Variants in CDH11 observed in about 807,000 individuals in gnomAD.
CDH11 encodes cadherin-11.
In CDH11, 11 loss-of-function variants were observed where a neutral mutation model predicts 67.8. That is an observed-to-expected ratio of 0.16 (90% CI 0.10 to 0.27). The LOEUF (loss-of-function observed/expected upper bound fraction) is 0.27. Ranked by LOEUF, CDH11 falls within the 10% of genes least tolerant of loss-of-function variation. CDH11 has a pLI of 1.00. For synonymous variants in CDH11, 419 were observed against 400.0 expected, an observed-to-expected ratio of 1.05 and a Z score of -0.57; for missense variants, 847 against 1,031.2, an observed-to-expected ratio of 0.82 and a Z score of 2.45.
chr16:65,023,908 G>A (rs2073480817), intron 2 of CDH11, among the ~76,000 whole-genome samples: 1 of 152,030 alleles, frequency 6.6e-6, no homozygotes, highest in Non-Finnish European at 1.5e-5. Context: ...ACTGTATCTT[G>A]TGAAACGAGT....
Position 65,121,858 on chromosome 16 carries a change from A to G in CDH11, c.-298+22T>C, listed in dbSNP as rs2075337552. Reference sequence around the variant, plus strand: ...AAGAAGCCCCAACCAGGCGAGAGGAAGGGACTGGCGGCGCACCTCACCTGG... The same window carrying G: ...AAGAAGCCCCAACCAGGCGAGAGGAGGGGACTGGCGGCGCACCTCACCTGG... On this transcript the variant is annotated intron_variant, in intron 1 of 12. Transcript: ENST00000268603. The surrounding 1 kb of genome is among the most constrained non-coding windows in gnomAD (Gnocchi z 4.1). 1.4e-6 allele frequency: 1 copy of G among 701,760 alleles called. No individual in the cohort carries two copies. The highest frequency in any genetic ancestry group is 2.0e-5 in the Admixed American group (1 of 49,964). 43.5% of individuals were successfully genotyped at this position (701,760 alleles called of 1,614,324 possible).
At chr16:65,086,879 A>G (rs2074709766) in intron 1 of CDH11, among the ~76,000 whole-genome samples, 1 of 152,236 alleles carries the variant, frequency 6.6e-6, no homozygotes, top group Non-Finnish European at 1.5e-5. Flanking sequence ...GAGATTGGAC[A>G]TTATACAAAT....
intron 2 of CDH11, among the ~76,000 whole-genome samples, chr16:65,011,051 GTATATATATCAT>G (rs2073171817): frequency 4.4e-5 from 5 of 114,608 alleles, no homozygotes; most frequent in African/African-American, 1.5e-4. Context: ...ATGTATATAT[GTATATATATCAT>G]GTGTATATAT....
intron 12 of CDH11, chr16:64,948,429 C>A: frequency 1.6e-6 from 1 of 643,840 alleles, no homozygotes; most frequent in Non-Finnish European, 2.7e-6. Context: ...GGTCTGTAGT[C>A]TCTTAGAAGT....
At chr16:65,015,382 G>A (rs1324680450) in intron 2 of CDH11, among the ~76,000 whole-genome samples, 5 of 151,356 alleles carry the variant, frequency 3.3e-5, no homozygotes, top group Non-Finnish European at 7.4e-5. Flanking sequence ...TAATTCAATA[G>A]ACCAATGGGA....
At chr16:65,102,117 C>G (rs1451207421) in intron 1 of CDH11, among the ~76,000 whole-genome samples, 3 of 152,182 alleles carry the variant, frequency 2.0e-5, no homozygotes, top group Non-Finnish European at 4.4e-5. Context: ...ATTGCAAGTT[C>G]ACACCTCCAA....
rs374667528 is a variant in CDH11, at chr16:65,026,232, T to G, written c.-172-21191A>C. Among the ~76,000 whole-genome samples, 24 of 152,330 alleles carry G rather than the reference T, an allele frequency of 1.6e-4. No homozygotes were observed. The East Asian group carries it at 2.5e-3, about 16-fold the overall frequency. On this transcript the variant is annotated intron_variant, in intron 2 of 12. Transcript: ENST00000268603. ...ACTATCTGACAGACACTGTGCTACA[T>G]GCTTTGCATACATTTTCAGAAAAAA...
In CDH11 at chr16:65,034,101, C is replaced by T. The variant is rs200988542; in HGVS notation, c.-173+19703G>A. Among the ~76,000 whole-genome samples the T allele has an allele frequency of 3.3e-5, 5 of 152,134 alleles. No homozygotes were observed. In the East Asian group the frequency reaches 9.6e-4, roughly 29 times the overall value. ...ACATTATTTGGAATTAGGGTCTGTG[C>T]AGATGGCCAAGTTAAGATGCAGTCA... is the stretch of plus-strand genomic sequence containing the variant. On this transcript the variant is annotated intron_variant, in intron 2 of 12. Coordinates refer to ENST00000268603, the MANE Select transcript of CDH11 (RefSeq NM_001797.4).
At chr16:65,119,937 G>T (rs1206527082) in intron 1 of CDH11, among the ~76,000 whole-genome samples, 1 of 152,136 alleles carries the variant, frequency 6.6e-6, no homozygotes, top group East Asian at 1.9e-4. Context: ...TTTTCACAGA[G>T]GTTCGAATTC....
chr16:64,975,916 A>G (rs369333284), intron 8 of CDH11, among the ~76,000 whole-genome samples: 1 of 152,224 alleles, frequency 6.6e-6, no homozygotes, highest in Non-Finnish European at 1.5e-5. Flanking sequence ...ACCAGGAAGG[A>G]AAGGTTGACA....
chr16:64,946,536 T>G lies in CDH11; in HGVS notation c.*1067A>C. 9.7e-7 allele frequency: 1 copy of G among 1,031,692 alleles called. No individual in the cohort carries two copies. Among genetic ancestry groups the G allele is most frequent in the Non-Finnish European group, 1.2e-6 (1 of 857,758 alleles). The allele number at this position is 1,031,692 out of a possible 1,614,324, so 63.9% of individuals were successfully genotyped here. On this transcript the variant is annotated 3_prime_UTR_variant, in exon 13 of 13. Coordinates refer to ENST00000268603, the MANE Select transcript of CDH11 (RefSeq NM_001797.4). ...TCACATCCTTCTTTTTTAGAAGATGTGTGTGAAGAGAAGCCAGGAGGTTAA... is the reference window on the plus strand; with the variant it reads ...TCACATCCTTCTTTTTTAGAAGATGGGTGTGAAGAGAAGCCAGGAGGTTAA...
At chr16:64,970,056 T>C (rs1222092242) in intron 11 of CDH11, among the ~76,000 whole-genome samples, 3 of 152,170 alleles carry the variant, frequency 2.0e-5, no homozygotes, top group Non-Finnish European at 4.4e-5. Context: ...ATGGGAATCA[T>C]TTACAAATTG....
intron 1 of CDH11, among the ~76,000 whole-genome samples, chr16:65,120,925 G>C (rs1357158574): frequency 1.3e-5 from 2 of 152,202 alleles, no homozygotes; most frequent in Non-Finnish European, 2.9e-5. Flanking sequence ...GGGGAGAAGG[G>C]AGCTCTCCTC....
chr16:64,950,862 GC>G lies in CDH11; in HGVS notation c.1798del (p.Ala600HisfsTer12). On this transcript the variant is annotated frameshift_variant, in exon 12 of 13. Transcript: ENST00000268603. LOFTEE classifies it high-confidence loss of function. ...GGCCTCTGCGTTGCAGGAGAGCAGT[GC>G]CCCGTTCACGTCGCACCCGCAGACT... is the stretch of plus-strand genomic sequence containing the variant. ...IKVCGCDVNG[A>X]LLSCNAEAYI... The G allele has an allele frequency of 6.2e-7, 1 of 1,614,182 alleles. No homozygotes were observed. Among genetic ancestry groups the G allele is most frequent in the Non-Finnish European group, 8.5e-7 (1 of 1,180,028 alleles).
chr16:65,112,914 G>T (rs990147575), intron 1 of CDH11, among the ~76,000 whole-genome samples: 1 of 152,206 alleles, frequency 6.6e-6, no homozygotes, highest in Non-Finnish European at 1.5e-5. Context: ...AGAGGGCGCA[G>T]CTTTACATAA....
intron 1 of CDH11, among the ~76,000 whole-genome samples, chr16:65,118,317 C>T (rs2075277330): frequency 1.3e-5 from 2 of 152,164 alleles, no homozygotes; most frequent in African/African-American, 2.4e-5. Flanking sequence ...GGGGAGGCTG[C>T]GGATGGCTAT....
At chr16:65,066,667 A>T (rs903219972) in intron 1 of CDH11, among the ~76,000 whole-genome samples, 2 of 152,254 alleles carry the variant, frequency 1.3e-5, no homozygotes, top group African/African-American at 4.8e-5. Flanking sequence ...GGCAACAACT[A>T]TGACTTACAA....
intron 6 of CDH11, 28 bp from the exon 7 acceptor site, chr16:64,988,372 T>A (rs1323459641): frequency 2.6e-6 from 4 of 1,568,534 alleles, no homozygotes; most frequent in East Asian, 2.3e-5. Context: ...CTATTTTTAT[T>A]TTCTCTTTTA....
In CDH11 at chr16:64,991,829, C is replaced by T. The variant is rs369522838; in HGVS notation, c.750G>A (p.Gly250=). ...DMGGHMGGLS[G]TTKVTITLTD... is the part of the protein sequence containing the mutation. ...TCAGTGTGATCGTCACTTTGGTTGT[C>T]CCTGAGAGTCCGCCCATATGTCCAC... is the stretch of plus-strand genomic sequence containing the variant. Residue 250 remains glycine (G), a synonymous_variant, in exon 6 of 13, where the codon GGG becomes GGA. Coordinates refer to ENST00000268603, the MANE Select transcript of CDH11 (RefSeq NM_001797.4). 7.4e-6 allele frequency: 12 copies of T among 1,613,864 alleles called. No individual in the cohort carries two copies. The highest frequency in any genetic ancestry group is 1.6e-4 in the Middle Eastern group (1 of 6,084).
Sources: gnomAD v4.1 joint callset for allele counts (sites outside exome capture counted in the v4.1 genomes callset) on GRCh38, gnomAD v4.1.1 for gene constraint, Gnocchi (gnomAD v3.1) non-coding constraint, MANE v1.5 for transcripts, NCBI Gene and HGNC (gene_info 2026-07-23, HGNC 2026-07-21) for gene names.